The following GPR37 variants were observed in gnomAD, a reference collection of about 807,000 sequenced individuals.
GPR37 encodes the protein G protein-coupled receptor 37, also known as prosaposin receptor GPR37.
GPR37 carries 20 observed loss-of-function variants against 43.6 expected under a neutral mutation model. The ratio of observed to expected loss-of-function variants is 0.46; its 90% CI spans 0.32 to 0.67. The LOEUF (loss-of-function observed/expected upper bound fraction) is 0.67. Among genes scored for constraint, GPR37 ranks in the 30% least tolerant of loss-of-function variants. The pLI, the probability that GPR37 is intolerant of heterozygous loss-of-function variation, is 0.03. For synonymous variants in GPR37, 315 were observed against 322.6 expected (o/e 0.98, Z 0.25); for missense variants, 724 against 797.2 (o/e 0.91, Z 1.11).
chr7:124,765,216 T>C lies in GPR37; in HGVS notation c.-240A>G. ...TCAGCCAAGTTGAGTCCCAGCAAGG[T>C]ATGCCCTCCAAGGTTCCTAGAGGGA... On this transcript the variant is annotated 5_prime_UTR_variant, in exon 1 of 2. It adds an upstream start codon to the 5' untranslated region. Transcript: ENST00000303921. 1 of 444,308 alleles carries C rather than the reference T, an allele frequency of 2.3e-6. No individual in the cohort carries two copies. 27.5% of individuals were successfully genotyped at this position (444,308 alleles called of 1,614,324 possible). A position where few individuals can be genotyped will look rare whatever the true frequency, so the allele number is the denominator to read the frequency against.
At chr7:124,748,809 A>T (rs1031805332) in intron 1 of GPR37, among the ~76,000 whole-genome samples, 3 of 152,152 alleles carry the variant, frequency 2.0e-5, no homozygotes, top group Admixed American at 6.6e-5. Context: ...TCAACATTTA[A>T]AGGTTAAGAA....
chr7:124,761,596 C>T (rs1434895318), intron 1 of GPR37, among the ~76,000 whole-genome samples: 2 of 152,206 alleles, frequency 1.3e-5, no homozygotes, highest in African/African-American at 2.4e-5. Context: ...ACCCAATAAA[C>T]TTGATGCCCC....
chr7:124,750,110 G>A (rs1326776432), intron 1 of GPR37, among the ~76,000 whole-genome samples: 2 of 151,990 alleles, frequency 1.3e-5, no homozygotes, highest in African/African-American at 2.4e-5. Context: ...ATCTAAGAAC[G>A]GCTGGCCACT....
At chr7:124,752,144 G>A (rs1793741389) in intron 1 of GPR37, among the ~76,000 whole-genome samples, 1 of 152,056 alleles carries the variant, frequency 6.6e-6, no homozygotes, top group Non-Finnish European at 1.5e-5. Flanking sequence ...CCCACATGTG[G>A]AGCAGTGAGG....
intron 1 of GPR37, among the ~76,000 whole-genome samples, chr7:124,752,575 T>C (rs1381901805): frequency 6.6e-6 from 1 of 152,158 alleles, no homozygotes; most frequent in Non-Finnish European, 1.5e-5. Flanking sequence ...GAGACTGCAG[T>C]TGAGAATCAC....
In GPR37 at chr7:124,746,927, A is replaced by G. The variant is rs1383716919; in HGVS notation, c.1440T>C (p.Asn480=). ...RKAEKACTRG[N]KRQIQLESQM... is the part of the protein sequence containing the mutation. Reference sequence around the variant, plus strand: ...GACTCTCTAGTTGAATCTGCCGTTTATTCCCTCGGGTACAGGCTTTCTCTG... The same window carrying G: ...GACTCTCTAGTTGAATCTGCCGTTTGTTCCCTCGGGTACAGGCTTTCTCTG... Residue 480 remains asparagine, a synonymous_variant, in exon 2 of 2, where the codon AAT becomes AAC. Coordinates refer to ENST00000303921, the MANE Select transcript of GPR37 (RefSeq NM_005302.5). 4 of 1,614,088 alleles carry G rather than the reference A, an allele frequency of 2.5e-6. No homozygotes were observed. Among genetic ancestry groups the G allele is most frequent in the Non-Finnish European group, 2.5e-6 (3 of 1,179,968 alleles).
At chr7:124,761,030 G>A (rs978472286) in intron 1 of GPR37, among the ~76,000 whole-genome samples, 2 of 151,862 alleles carry the variant, frequency 1.3e-5, no homozygotes, top group African/African-American at 2.4e-5. Flanking sequence ...GTGGTGACAC[G>A]CACCCGTAGT....
In GPR37 at chr7:124,764,651, G is replaced by T; in HGVS notation, c.326C>A (p.Pro109His). Residue 109 changes from proline to histidine, a missense_variant, in exon 1 of 2, where the codon CCC becomes CAC. Physicochemically the swap from Pro to His is moderately conservative, Grantham distance 77 (BLOSUM62 -2). Around this residue, in one of 2 missense-constraint regions of GPR37, gnomAD observed 382 missense variants for 355.4 expected, o/e 1.07. Coordinates refer to ENST00000303921, the MANE Select transcript of GPR37 (RefSeq NM_005302.5). The surrounding 1 kb of genome is among the most constrained non-coding windows in gnomAD (Gnocchi z 5.4). ...AGGTGGCCTGGTTGGAGGTCCCGGG[G>T]GTCCGGCTGCCGACGCCTCCGCCCC... ...GRGAEASAAG[P>H]PGPPTRPPGP... 1 of 1,584,038 alleles carries T rather than the reference G, an allele frequency of 6.3e-7. No homozygotes were observed. Among genetic ancestry groups the T allele is most frequent in the Non-Finnish European group, 8.6e-7 (1 of 1,165,092 alleles).
chr7:124,748,558 G>C (rs1275559014), intron 1 of GPR37, among the ~76,000 whole-genome samples: 1 of 151,972 alleles, frequency 6.6e-6, no homozygotes, highest in East Asian at 1.9e-4. Context: ...TACAGAATCA[G>C]ACATAAGAAG....
chr7:124,756,130 G>A (rs768444149), intron 1 of GPR37, among the ~76,000 whole-genome samples: 5 of 152,074 alleles, frequency 3.3e-5, no homozygotes, highest in Admixed American at 2.0e-4. Context: ...ATCTTGATGC[G>A]AATTGGCTTA....
chr7:124,746,440 TCCC>T lies in GPR37; in HGVS notation c.*82_*84del. 3 of 1,004,252 alleles carry T rather than the reference TCCC, an allele frequency of 3.0e-6. No homozygotes were observed. The highest frequency in any genetic ancestry group is 4.4e-6 in the Non-Finnish European group (3 of 688,974). The allele number at this position is 1,004,252 out of a possible 1,614,324, so 62.2% of individuals were successfully genotyped here. On this transcript the variant is annotated 3_prime_UTR_variant, in exon 2 of 2. Transcript: ENST00000303921. ...CTTTATTGTTTCTTTTTTGCATTTTTCCCTATAAGGAAAAATATGAATTAAAAA... is the reference window on the plus strand; with the variant it reads ...CTTTATTGTTTCTTTTTTGCATTTTTTATAAGGAAAAATATGAATTAAAAA...
Position 124,764,180 on chromosome 7 carries a change from C to T in GPR37, c.797G>A (p.Cys266Tyr), listed in dbSNP as rs149018998. The T allele has an allele frequency of 8.1e-6, 13 of 1,596,132 alleles. No homozygotes were observed. Among genetic ancestry groups the T allele is most frequent in the Non-Finnish European group, 1.0e-5 (12 of 1,170,580 alleles). The change falls in exon 1 of 2, where the codon TGT becomes TAT. Residue 266 changes from cysteine (C) to tyrosine (Y), a missense_variant. Coordinates refer to ENST00000303921, the MANE Select transcript of GPR37 (RefSeq NM_005302.5). The surrounding 1 kb of genome is among the most constrained non-coding windows in gnomAD (Gnocchi z 5.4). ...QESYGAYAVMCLSVVIFGTGI... is the reference protein window; with the variant it reads ...QESYGAYAVMYLSVVIFGTGI... ...GGTCCCGAAGATCACCACGGACAGA[C>T]ACATGACCGCGTAGGCTCCATAGGA...
At chr7:124,756,607 G>A (rs527613426) in intron 1 of GPR37, among the ~76,000 whole-genome samples, 1 of 152,300 alleles carries the variant, frequency 6.6e-6, no homozygotes, top group South Asian at 2.1e-4. Flanking sequence ...TTCCAATTAG[G>A]ATATTTAAGA....
intron 1 of GPR37, among the ~76,000 whole-genome samples, chr7:124,757,148 A>G (rs978623478): frequency 5.9e-5 from 9 of 152,180 alleles, no homozygotes; most frequent in African/African-American, 1.9e-4. Flanking sequence ...AGTCTAAAGT[A>G]TCGCCCTTGT....
At chr7:124,763,804 G>A (rs1207412013) in intron 1 of GPR37, 150 bp downstream of exon 1, 4 of 718,036 alleles carry the variant, frequency 5.6e-6, no homozygotes, top group African/African-American at 5.3e-5. Context: ...ATACATACAT[G>A]CATAAATGAT....
In GPR37 at chr7:124,743,965, T is replaced by C. The variant is rs1400385026; in HGVS notation, c.*2560A>G. ...TGATTAACAATTTTTTAAAAGTATA[T>C]TATAGAAATTGGTTTTTGTGAAAAA... is the stretch of plus-strand genomic sequence containing the variant. On this transcript the variant is annotated 3_prime_UTR_variant, in exon 2 of 2. Coordinates refer to ENST00000303921, the MANE Select transcript of GPR37 (RefSeq NM_005302.5). 6.6e-6 allele frequency: 1 copy of C among 151,642 alleles called. No homozygotes were observed. The highest frequency in any genetic ancestry group is 1.5e-5 in the Non-Finnish European group (1 of 67,890). The allele number at this position is 151,642 out of a possible 1,614,324, so 9.4% of individuals were successfully genotyped here.
chr7:124,754,328 T>C (rs559915214), intron 1 of GPR37, among the ~76,000 whole-genome samples: 1 of 152,268 alleles, frequency 6.6e-6, no homozygotes, highest in Admixed American at 6.5e-5. Context: ...AGATCCTGTC[T>C]TAGCTACTGC....
In GPR37 at chr7:124,764,876, G is replaced by A; in HGVS notation, c.101C>T (p.Ser34Phe). ...ASSALGVAPA[S>F]RNETCLGESC... ...CTCCCCCAGACAAGTTTCGTTTCTGGACGCAGGGGCGACCCCGAGGGCAGA... is the reference window on the plus strand; with the variant it reads ...CTCCCCCAGACAAGTTTCGTTTCTGAACGCAGGGGCGACCCCGAGGGCAGA... Residue 34 changes from serine (S) to phenylalanine (F), a missense_variant, in exon 1 of 2, where the codon TCC becomes TTC. By Grantham distance (155) the Ser-to-Phe change is radical (BLOSUM62 -2). Coordinates refer to ENST00000303921, the MANE Select transcript of GPR37 (RefSeq NM_005302.5). This position sits in a 1 kb window ranked among gnomAD's most constrained non-coding sequence, Gnocchi z 5.4. The A allele has an allele frequency of 6.2e-7, 1 of 1,610,446 alleles. No homozygotes were observed. The highest frequency in any genetic ancestry group is 8.5e-7 in the Non-Finnish European group (1 of 1,178,418).
Position 124,747,290 on chromosome 7 carries a change from G to C in GPR37, c.1077C>G (p.Arg359=). 2 of 1,613,842 alleles carry C rather than the reference G, an allele frequency of 1.2e-6. No homozygotes were observed. The highest frequency in any genetic ancestry group is 1.7e-6 in the Non-Finnish European group (2 of 1,179,836). The part of the protein sequence containing the change: ...TFTLCALCID[R]FRAATNVQMY... ...TCTGTACGTTGGTGGCAGCACGGAA[G>C]CGGTCTATGCACAGAGCACATAAGG... The change falls in exon 2 of 2, where the codon CGC becomes CGG. Residue 359 remains arginine, a synonymous_variant. Transcript: ENST00000303921.
Sources: gnomAD v4.1 joint callset for allele counts (sites outside exome capture counted in the v4.1 genomes callset) on GRCh38, gnomAD v4.1.1 for gene constraint, gnomAD v4.1.1 regional missense constraint, Gnocchi (gnomAD v3.1) non-coding constraint, MANE v1.5 for transcripts, NCBI Gene and HGNC (gene_info 2026-07-23, HGNC 2026-07-21) for gene names.